AARS1: variants seen among roughly 807,000 people sequenced by gnomAD.
AARS1 encodes alanine--tRNA ligase, cytoplasmic.
Under a neutral mutation model 108.9 loss-of-function variants are expected in AARS1, and 72 were observed. The observed-to-expected ratio is 0.66, with a 90% confidence interval of 0.55 to 0.80. AARS1 has a LOEUF of 0.80. AARS1 is among the 30% of genes least tolerant of loss of function. The pLI is 0.00. For missense variants in AARS1, 1,193 were observed against 1,233.2 expected (o/e 0.97, Z 0.49); for synonymous variants, 489 against 465.7 (o/e 1.05, Z -0.64).
chr16:70,283,670 G>A (rs1261738285), intron 1 of AARS1, among the ~76,000 whole-genome samples: 1 of 152,192 alleles, frequency 6.6e-6, no homozygotes, highest in Non-Finnish European at 1.5e-5. Context: ...ATGTCATGGT[G>A]AGGCGGCTGT....
chr16:70,276,355 C>G (rs1960550291), intron 4 of AARS1, 131 bp downstream of exon 4: 2 of 1,041,068 alleles, frequency 1.9e-6, no homozygotes, highest in Admixed American at 1.8e-5. Flanking sequence ...TAGCCTCACT[C>G]CTCCCCATGT....
chr16:70,252,883 T>C lies in AARS1; in HGVS notation c.2745A>G (p.Lys915=). The stretch of plus-strand genomic sequence containing the variant: ...ACACCTGCTGCACCCACTCGCTGGC[T>C]TTTAAGCCCCGATTGGCTGCATTCT... The part of the protein sequence containing the change: ...VPQNAANRGL[K]ASEWVQQVSG... The change falls in exon 21 of 21, where the codon AAA becomes AAG. Residue 915 remains lysine (K), a synonymous_variant. Coordinates refer to ENST00000261772, the MANE Select transcript of AARS1 (RefSeq NM_001605.3). 1 of 1,614,082 alleles carries C rather than the reference T, an allele frequency of 6.2e-7. No individual in the cohort carries two copies. Among genetic ancestry groups the C allele is most frequent in the Non-Finnish European group, 8.5e-7 (1 of 1,179,928 alleles).
intron 14 of AARS1, 93 bp downstream of exon 14, chr16:70,258,887 T>C: frequency 7.1e-7 from 1 of 1,400,310 alleles, no homozygotes; most frequent in Non-Finnish European, 1.0e-6. Context: ...AGGACGAATC[T>C]GATACAACAG....
intron 13 of AARS1, among the ~76,000 whole-genome samples, chr16:70,260,456 T>C (rs1278817570): frequency 6.6e-6 from 1 of 152,136 alleles, no homozygotes; most frequent in Non-Finnish European, 1.5e-5. Context: ...ACCTCTTCAT[T>C]CTTCAGCATC....
rs1482868893 is a variant in AARS1 at position 70,265,044 on chromosome 16, G to C, written c.1406C>G (p.Ala469Gly). The C allele has an allele frequency of 2.5e-6, 4 of 1,614,048 alleles. No individual in the cohort carries two copies. Among genetic ancestry groups the C allele is most frequent in the Non-Finnish European group, 3.4e-6 (4 of 1,180,044 alleles). The change falls in exon 11 of 21, where the codon GCT becomes GGT. Residue 469 changes from alanine (A) to glycine (G), a missense_variant. By Grantham distance (60) the Ala-to-Gly change is moderately conservative. Coordinates refer to ENST00000261772, the MANE Select transcript of AARS1 (RefSeq NM_001605.3). ...ACCCCGTGCCCGGAGCTCTTCGATA[G>C]CGTAAATGTCCAGCATAATGAGGTC... ...GEDLIMLDIY[A>G]IEELRARGLE...
intron 1 of AARS1, among the ~76,000 whole-genome samples, chr16:70,283,462 A>T (rs1960758555): frequency 6.6e-6 from 1 of 152,084 alleles, no homozygotes; most frequent in African/African-American, 2.4e-5. Context: ...AGTTTAGTCC[A>T]ACTGGGGAAG....
intron 9 of AARS1, among the ~76,000 whole-genome samples, chr16:70,266,543 TGA>T (rs1333414334): frequency 8.0e-5 from 12 of 150,512 alleles, no homozygotes; most frequent in Non-Finnish European, 1.3e-4. Flanking sequence ...TCTTTTTTTT[TGA>T]GAGTCTCACT....
chr16:70,287,142 C>A (rs576540428), intron 1 of AARS1, among the ~76,000 whole-genome samples: 13 of 149,908 alleles, frequency 8.7e-5, no homozygotes, highest in Admixed American at 7.4e-4. Context: ...TCCCAGCTAG[C>A]TACTCGGGAG....
chr16:70,253,270 G>A lies in AARS1; in HGVS notation c.2719C>T (p.Gln907Ter). The change falls in exon 20 of 21, where the codon CAG (glutamine) becomes TAG (stop). Residue 907 changes from glutamine to a stop codon, truncating the protein, a stop_gained and splice_region_variant. Transcript: ENST00000261772. LOFTEE classifies it high-confidence loss of function. ...GKITCLCQVP[Q>*]NAANRGLKAS... Reference sequence around the variant, plus strand: ...CACTGGTGCGAGGTGGTGCTGACCTGGGGAACTTGACACAGGCACGTGATC... The same window carrying A: ...CACTGGTGCGAGGTGGTGCTGACCTAGGGAACTTGACACAGGCACGTGATC... 1 of 1,611,822 alleles carries A rather than the reference G, an allele frequency of 6.2e-7. No homozygotes were observed. The highest frequency in any genetic ancestry group is 8.5e-7 in the Non-Finnish European group (1 of 1,177,904).
intron 12 of AARS1, among the ~76,000 whole-genome samples, chr16:70,262,014 G>C (rs931884121): frequency 3.9e-5 from 6 of 152,114 alleles, no homozygotes; most frequent in African/African-American, 1.4e-4. Context: ...CTGAAGCCTA[G>C]GGAGACAAAG....
At chr16:70,262,605 C>G (rs544138725) in intron 11 of AARS1, 81 bp from the exon 12 acceptor site, 7 of 1,387,292 alleles carry the variant, frequency 5.0e-6, no homozygotes, top group Non-Finnish European at 6.9e-6. Context: ...TTGCTGGATT[C>G]TCTTTCGCAA....
At chr16:70,282,198 G>A (rs1476574939) in intron 2 of AARS1, among the ~76,000 whole-genome samples, 3 of 151,594 alleles carry the variant, frequency 2.0e-5, no homozygotes, top group South Asian at 2.1e-4. Flanking sequence ...GCATGGTGGC[G>A]GGCACCTGTA....
intron 15 of AARS1, among the ~76,000 whole-genome samples, chr16:70,256,380 C>T (rs1453171952): frequency 1.3e-5 from 2 of 152,068 alleles, no homozygotes; most frequent in Admixed American, 1.3e-4. Flanking sequence ...TCTTGGCTCA[C>T]CACAACCTCT....
Position 70,253,972 on chromosome 16 carries a change from T to C in AARS1, c.2467A>G (p.Lys823Glu), listed in dbSNP as rs1959914086. The change falls in exon 18 of 21, where the codon AAG (lysine) becomes GAG (glutamate). Residue 823 changes from lysine (K) to glutamate (E), a missense_variant. Lys to Glu is a moderately conservative substitution (Grantham distance 56, BLOSUM62 1). Coordinates refer to ENST00000261772, the MANE Select transcript of AARS1 (RefSeq NM_001605.3). ...CGGTCCAAGTCATCCATGACCTTCT[T>C]TAGGGATTTGAGAGTCTCCCGCAAT... is the stretch of plus-strand genomic sequence containing the variant. ...DELRETLKSL[K>E]KVMDDLDRAS... The C allele has an allele frequency of 6.2e-7, 1 of 1,614,048 alleles. No individual in the cohort carries two copies. Among genetic ancestry groups the C allele is most frequent in the South Asian group, 1.1e-5 (1 of 91,082 alleles).
chr16:70,253,149 TG>T, intron 20 of AARS1, 118 bp downstream of exon 20: 1 of 946,778 alleles, frequency 1.1e-6, no homozygotes, highest in Non-Finnish European at 1.7e-6. Context: ...TAAGGGGTAC[TG>T]GCAAAGGTAA....
intron 13 of AARS1, 111 bp from the exon 14 acceptor site, chr16:70,259,297 G>T: frequency 8.8e-7 from 1 of 1,135,798 alleles, no homozygotes; most frequent in Non-Finnish European, 1.3e-6. Context: ...TGGCTGTGCA[G>T]AATAAAGGTT....
At chr16:70,268,039 G>A (rs1380268768) in intron 8 of AARS1, among the ~76,000 whole-genome samples, 1 of 152,210 alleles carries the variant, frequency 6.6e-6, no homozygotes, top group East Asian at 1.9e-4. Context: ...TTGGCGGTGT[G>A]CACCTGTAAT....
intron 2 of AARS1, among the ~76,000 whole-genome samples, chr16:70,279,946 A>G (rs1960654571): frequency 6.6e-6 from 1 of 152,104 alleles, no homozygotes. Flanking sequence ...CCTGGAGTCC[A>G]GTGGCACGAT....
intron 2 of AARS1, among the ~76,000 whole-genome samples, chr16:70,281,904 C>A (rs569259704): frequency 6.6e-6 from 1 of 151,874 alleles, no homozygotes; most frequent in Non-Finnish European, 1.5e-5. Flanking sequence ...GTAATCCCAG[C>A]GCTTTGAGAG....
Sources: allele counts gnomAD v4.1 joint callset (sites outside exome capture counted in the v4.1 genomes callset), GRCh38; gene constraint gnomAD v4.1.1; transcripts MANE v1.5; gene names NCBI Gene and HGNC (gene_info 2026-07-23, HGNC 2026-07-21).